NAALADL2: variants seen among roughly 807,000 people sequenced by gnomAD.
NAALADL2 encodes the protein N-acetylated alpha-linked acidic dipeptidase like 2.
In NAALADL2, 76 loss-of-function variants were observed where a neutral mutation model predicts 87.2. The ratio of observed to expected loss-of-function variants is 0.87; its 90% CI spans 0.72 to 1.05. NAALADL2 has a LOEUF of 1.05. Ranked by LOEUF, NAALADL2 falls within the 50% of genes least tolerant of loss-of-function variation. NAALADL2 has a pLI of 0.00. For missense variants in NAALADL2, 1,089 were observed against 945.8 expected (o/e 1.15, Z -1.99); for synonymous variants, 354 against 331.0 (o/e 1.07, Z -0.75).
chr3:175,097,131 C>A lies in NAALADL2; in HGVS notation c.385C>A (p.Leu129Ile). The A allele has an allele frequency of 6.2e-7, 1 of 1,613,746 alleles. No individual in the cohort carries two copies. The change falls in exon 2 of 14, where the codon CTT (leucine) becomes ATT (isoleucine). Residue 129 changes from leucine (L) to isoleucine (I), a missense_variant. Transcript: ENST00000454872. ...CAACTTTTGCCACGTCTTAAAAATA[C>A]TTTGCACAGCCACCATTTTATTTAT... ...RCNFCHVLKI[L>I]CTATILFIFG...
At chr3:174,579,033 A>G (rs1226707448) in intron 2 of NAALADL2, among the ~76,000 whole-genome samples, 1 of 152,022 alleles carries the variant, frequency 6.6e-6, no homozygotes, top group East Asian at 1.9e-4. Flanking sequence ...CAGGGAAATA[A>G]GAATAAAAAT....
chr3:175,760,360 C>T (rs939249907), intron 13 of NAALADL2, among the ~76,000 whole-genome samples: 1 of 152,074 alleles, frequency 6.6e-6, no homozygotes, highest in African/African-American at 2.4e-5. Context: ...AGCCTCACAG[C>T]CTCTGTTTTC....
At chr3:175,132,317 C>A (rs1303803344) in intron 2 of NAALADL2, among the ~76,000 whole-genome samples, 2 of 72,704 alleles carry the variant, frequency 2.8e-5, no homozygotes, top group Admixed American at 1.2e-4. Flanking sequence ...GGGGCTGACC[C>A]CCCCACCTCC....
intron 2 of NAALADL2, among the ~76,000 whole-genome samples, chr3:175,130,969 G>A (rs184429857): frequency 3.4e-4 from 51 of 152,230 alleles, no homozygotes; most frequent in African/African-American, 1.2e-3. Context: ...GATAGGGATT[G>A]CATTGAATCT....
intron 1 of NAALADL2, among the ~76,000 whole-genome samples, chr3:174,865,194 A>C (rs1401900139): frequency 6.6e-6 from 1 of 152,074 alleles, no homozygotes; most frequent in Non-Finnish European, 1.5e-5. Flanking sequence ...TGTCCAAAAA[A>C]AAATAATAAA....
At chr3:175,316,179 T>C (rs931245673) in intron 4 of NAALADL2, among the ~76,000 whole-genome samples, 1 of 152,166 alleles carries the variant, frequency 6.6e-6, no homozygotes, top group African/African-American at 2.4e-5. Context: ...CCCCTACTAA[T>C]GATTTTTTAC....
chr3:174,763,142 A>G (rs964015751), intron 3 of NAALADL2, among the ~76,000 whole-genome samples: 1 of 116,054 alleles, frequency 8.6e-6, no homozygotes, highest in Non-Finnish European at 2.0e-5. Flanking sequence ...TTATTTTACT[A>G]AAAAAAAAAG....
chr3:174,833,337 T>A lies in NAALADL2; in HGVS notation c.-9+95591T>A, dbSNP rs1722953434. Among the ~76,000 whole-genome samples the A allele has an allele frequency of 2.0e-5, 3 of 152,214 alleles. No individual in the cohort carries two copies. The South Asian group carries it at 6.2e-4, about 32-fold the overall frequency. ...AGTGAACAAATTTCTGAAGGACACA[T>A]ACTATCAATACTGACTCATAAAGAG... On this transcript the variant is annotated intron_variant, in intron 3 of 3. Transcript: ENST00000434257.
chr3:174,905,859 A>C (rs1235080699), intron 1 of NAALADL2, among the ~76,000 whole-genome samples: 1 of 152,102 alleles, frequency 6.6e-6, no homozygotes, highest in Non-Finnish European at 1.5e-5. Flanking sequence ...TTTATTATAA[A>C]GTAAGAAATC....
At chr3:174,767,848 C>A (rs1487646211) in intron 3 of NAALADL2, among the ~76,000 whole-genome samples, 1 of 152,086 alleles carries the variant, frequency 6.6e-6, no homozygotes. Context: ...AATGAATGAG[C>A]AAAGAATGCA....
At chr3:174,606,821 A>G (rs376188322) in intron 2 of NAALADL2, among the ~76,000 whole-genome samples, 49 of 152,150 alleles carry the variant, frequency 3.2e-4, no homozygotes, top group South Asian at 6.2e-4. Context: ...TACAGAGAAC[A>G]CCACAAAGAT....
chr3:175,702,589 C>T (rs1739143148), intron 11 of NAALADL2, among the ~76,000 whole-genome samples: 1 of 152,152 alleles, frequency 6.6e-6, no homozygotes, highest in Admixed American at 6.5e-5. Context: ...CTTTGCTTCT[C>T]AGTTATAGTC....
chr3:174,502,078 A>G (rs1025228180), intron 1 of NAALADL2, among the ~76,000 whole-genome samples: 1 of 152,138 alleles, frequency 6.6e-6, no homozygotes, highest in Non-Finnish European at 1.5e-5. Context: ...TAAGAAGGAA[A>G]ATAGAGAAGC....
intron 2 of NAALADL2, among the ~76,000 whole-genome samples, chr3:174,622,151 A>C (rs919676021): frequency 6.6e-6 from 1 of 152,182 alleles, no homozygotes; most frequent in African/African-American, 2.4e-5. Context: ...TGACCTGGCC[A>C]TGCATAGATA....
chr3:175,409,194 C>G (rs1415696377), intron 5 of NAALADL2, among the ~76,000 whole-genome samples: 2 of 151,444 alleles, frequency 1.3e-5, no homozygotes, highest in African/African-American at 4.8e-5. Flanking sequence ...AAAACATAAT[C>G]TTATTAAACC....
intron 1 of NAALADL2, among the ~76,000 whole-genome samples, chr3:174,869,668 C>A (rs1221534876): frequency 6.6e-6 from 1 of 151,970 alleles, no homozygotes; most frequent in Non-Finnish European, 1.5e-5. Flanking sequence ...ATAAAAAGAT[C>A]GGCTAGCCGC....
chr3:174,684,300 C>G (rs989706823), intron 2 of NAALADL2, among the ~76,000 whole-genome samples: 1 of 152,038 alleles, frequency 6.6e-6, no homozygotes, highest in Non-Finnish European at 1.5e-5. Context: ...TATTTAAACA[C>G]GACTGAATGG....
intron 1 of NAALADL2, among the ~76,000 whole-genome samples, chr3:174,894,739 C>T (rs929070075): frequency 1.3e-5 from 2 of 150,140 alleles, no homozygotes; most frequent in Non-Finnish European, 3.0e-5. Context: ...AGAATACACA[C>T]TCTTTTTCTC....
intron 5 of NAALADL2, among the ~76,000 whole-genome samples, chr3:175,410,639 T>A (rs781692759): frequency 1.3e-5 from 2 of 152,120 alleles, no homozygotes; most frequent in African/African-American, 2.4e-5. Flanking sequence ...ACAAAAATGT[T>A]GAATTTTAAC....
Sources: gnomAD v4.1 joint callset for allele counts (sites outside exome capture counted in the v4.1 genomes callset) on GRCh38, gnomAD v4.1.1 for gene constraint, MANE v1.5 for transcripts, NCBI Gene and HGNC (gene_info 2026-07-23, HGNC 2026-07-21) for gene names.